The following MFNG variants were observed in gnomAD, a reference collection of about 807,000 sequenced individuals.
MFNG encodes beta-1,3-N-acetylglucosaminyltransferase manic fringe.
MFNG carries 24 observed loss-of-function variants against 34.2 expected under a neutral mutation model. The ratio of observed to expected loss-of-function variants is 0.70; its 90% CI spans 0.51 to 0.99. The LOEUF (loss-of-function observed/expected upper bound fraction) is 0.99. MFNG is among the 50% of genes least tolerant of loss of function. The pLI is 0.00. For synonymous variants in MFNG, 158 were observed against 179.2 expected, an observed-to-expected ratio of 0.88 and a Z score of 0.94; for missense variants, 383 against 424.0, an observed-to-expected ratio of 0.90 and a Z score of 0.85.
In MFNG at chr22:37,480,241, G is replaced by A. The variant is rs753641999; in HGVS notation, c.363C>T (p.Cys121=). 1.2e-6 allele frequency: 2 copies of A among 1,613,166 alleles called. No individual in the cohort carries two copies. Among genetic ancestry groups the A allele is most frequent in the Non-Finnish European group, 1.7e-6 (2 of 1,179,144 alleles). Residue 121 remains cysteine, a synonymous_variant, in exon 3 of 8, where the codon TGC becomes TGT. Transcript: ENST00000356998. The part of the protein sequence containing the change: ...SAEHSHPALS[C]KMAAEFDTFL... The stretch of plus-strand genomic sequence containing the variant: ...AGGTGTCGAACTCAGCAGCCATCTT[G>A]CAGGACAGAGCTGGGTGGCTGTGTT...
intron 2 of MFNG, 99 bp from the exon 3 acceptor site, chr22:37,480,398 A>G (rs1922240545): frequency 2.1e-6 from 2 of 935,702 alleles, no homozygotes; most frequent in Non-Finnish European, 3.3e-6. Flanking sequence ...GGGAGTCTGG[A>G]GCAGCCCACC....
intron 3 of MFNG, 90 bp downstream of exon 3, chr22:37,480,107 G>A: frequency 1.0e-6 from 1 of 989,608 alleles, no homozygotes; most frequent in Non-Finnish European, 1.5e-6. Flanking sequence ...TGCTAGAGGA[G>A]TGGGGGCTGA....
chr22:37,478,146 T>G (rs1339293999), intron 4 of MFNG, among the ~76,000 whole-genome samples: 1 of 152,104 alleles, frequency 6.6e-6, no homozygotes, highest in Non-Finnish European at 1.5e-5. Context: ...AGAGGCTGAT[T>G]AGCTACTGAT....
chr22:37,476,502 C>G (rs1922046444), intron 5 of MFNG, among the ~76,000 whole-genome samples: 3 of 152,106 alleles, frequency 2.0e-5, no homozygotes, highest in Admixed American at 2.0e-4. Context: ...TCTGAAGACC[C>G]TTAGATTTGG....
chr22:37,477,971 A>T (rs979700113), intron 4 of MFNG, among the ~76,000 whole-genome samples: 1 of 152,170 alleles, frequency 6.6e-6, no homozygotes, highest in Non-Finnish European at 1.5e-5. Context: ...GTGTAAACCC[A>T]GGGAGTCAGG....
At chr22:37,474,805 T>A in intron 5 of MFNG, 128 bp from the exon 6 acceptor site, 1 of 1,028,144 alleles carries the variant, frequency 9.7e-7, no homozygotes, top group Non-Finnish European at 1.4e-6. Flanking sequence ...GCATACTGTA[T>A]GACCTTGAGC....
rs148228754 is a variant in MFNG, at chr22:37,471,697, G to T, written c.899+746C>A. On this transcript the variant is annotated intron_variant, in intron 7 of 7. Coordinates refer to ENST00000356998, the MANE Select transcript of MFNG (RefSeq NM_002405.4). ...AACACAAAAATTAGCCAGGCATGGT[G>T]GCAGGCGCCTGTAATCCCAGCTATT... Among the ~76,000 whole-genome samples the T allele has an allele frequency of 3.6e-3, 550 of 152,222 alleles. 2 individuals are homozygous for T. Among genetic ancestry groups the T allele is most frequent in the South Asian group, 0.016 (78 of 4,828 alleles).
intron 7 of MFNG, among the ~76,000 whole-genome samples, chr22:37,470,728 G>C (rs987801068): frequency 2.0e-5 from 3 of 152,186 alleles, no homozygotes; most frequent in African/African-American, 7.2e-5. Context: ...GTCAGGGCCA[G>C]GGGCCCTGGT....
rs752350381 is a variant in MFNG, at chr22:37,472,463, G to A, written c.879C>T (p.Ser293=). The change falls in exon 7 of 8, where the codon TCC becomes TCT. Residue 293 remains serine (S), a synonymous_variant. Coordinates refer to ENST00000356998, the MANE Select transcript of MFNG (RefSeq NM_002405.4). ...CCCACCTGGAGGGGTCCTCCTCCGG[G>A]GAGAAGGGGCCCTGTAGCTTAATGA... ...LNVIKLQGPF[S]PEEDPSRFRS... 2 of 1,583,656 alleles carry A rather than the reference G, an allele frequency of 1.3e-6. No individual in the cohort carries two copies. Among genetic ancestry groups the A allele is most frequent in the Non-Finnish European group, 8.6e-7 (1 of 1,168,384 alleles).
At position 37,469,942 on chromosome 22, in the gene MFNG, C is replaced by T. The variant is rs1247154479; in HGVS notation, c.*21G>A. 1 of 1,585,394 alleles carries T rather than the reference C, an allele frequency of 6.3e-7. No individual in the cohort carries two copies. The highest frequency in any genetic ancestry group is 1.1e-5 in the South Asian group (1 of 87,368). On this transcript the variant is annotated 3_prime_UTR_variant, in exon 8 of 8. Transcript: ENST00000356998. ...GCACACCCAGAAGTCTCTGCCCAAC[C>T]TTTGCCCAGCAGTTCAGGATTCATC...
chr22:37,469,852 C>A lies in MFNG; in HGVS notation c.*111G>T. 1 of 904,696 alleles carries A rather than the reference C, an allele frequency of 1.1e-6. No individual in the cohort carries two copies. The highest frequency in any genetic ancestry group is 1.8e-6 in the Non-Finnish European group (1 of 556,716). The allele number at this position is 904,696 out of a possible 1,614,324, so 56.0% of individuals were successfully genotyped here. A position where few individuals can be genotyped will look rare whatever the true frequency, so the allele number is the denominator to read the frequency against. ...CTGGGCTTGCCAACCACCCGAAGGC[C>A]CTGCCAGGGACTGCCTATCACAAGA... On this transcript the variant is annotated 3_prime_UTR_variant, in exon 8 of 8. Coordinates refer to ENST00000356998, the MANE Select transcript of MFNG (RefSeq NM_002405.4).
At chr22:37,481,005 C>A (rs918166582) in intron 1 of MFNG, 2 of 549,310 alleles carry the variant, frequency 3.6e-6, no homozygotes, top group African/African-American at 1.9e-5. Flanking sequence ...CACTCACCCC[C>A]TTTCCAGAGC....
chr22:37,486,066 T>C lies in MFNG; in HGVS notation c.112A>G (p.Thr38Ala), dbSNP rs777236155. ...LNLSPQRVQG[T>A]PELSQPNPGP... ...GGGTTCGGCTGGCTCAGCTCGGGGGTCCCTTGTACCCGCTGCGGGGACAGG... is the reference window on the plus strand; with the variant it reads ...GGGTTCGGCTGGCTCAGCTCGGGGGCCCCTTGTACCCGCTGCGGGGACAGG... The change falls in exon 1 of 8, where the codon ACC (threonine) becomes GCC (alanine). Residue 38 changes from threonine to alanine, a missense_variant. Physicochemically the swap from Thr to Ala is moderately conservative, Grantham distance 58. Coordinates refer to ENST00000356998, the MANE Select transcript of MFNG (RefSeq NM_002405.4). 1.2e-6 allele frequency: 2 copies of C among 1,613,038 alleles called. No homozygotes were observed. Among genetic ancestry groups the C allele is most frequent in the Non-Finnish European group, 8.5e-7 (1 of 1,179,714 alleles).
intron 7 of MFNG, among the ~76,000 whole-genome samples, chr22:37,470,863 G>T (rs898496495): frequency 1.3e-5 from 2 of 152,146 alleles, no homozygotes; most frequent in East Asian, 1.9e-4. Flanking sequence ...ACAGTCTCCC[G>T]TTCCTACCTT....
rs540558320 is a variant in MFNG at position 37,479,414 on chromosome 22, G to T, written c.492C>A (p.Asp164Glu). The T allele has an allele frequency of 1.8e-5, 29 of 1,608,946 alleles. No homozygotes were observed. The South Asian group carries it at 2.4e-4, about 14-fold the overall frequency. ...QLLRAFPLARDVYVGRPSLNR... is the reference protein window; with the variant it reads ...QLLRAFPLAREVYVGRPSLNR... Reference sequence around the variant, plus strand: ...TCAGGCTGGGCCTTCCCACATAGACGTCGCGGGCCAGCGGGAAGGCTCTCA... The same window carrying T: ...TCAGGCTGGGCCTTCCCACATAGACTTCGCGGGCCAGCGGGAAGGCTCTCA... Residue 164 changes from aspartate to glutamate, a missense_variant, in exon 4 of 8, where the codon GAC becomes GAA. By Grantham distance (45) the Asp-to-Glu change is conservative. Coordinates refer to ENST00000356998, the MANE Select transcript of MFNG (RefSeq NM_002405.4).
rs1265276762 is a variant in MFNG, at chr22:37,485,764, A to T, written c.255+159T>A. Among the ~76,000 whole-genome samples the T allele has an allele frequency of 4.6e-5, 7 of 152,190 alleles. No individual in the cohort carries two copies. Among genetic ancestry groups the T allele is most frequent in the Non-Finnish European group, 1.0e-4 (7 of 68,024 alleles). On this transcript the variant is annotated intron_variant, in intron 1 of 7. Transcript: ENST00000356998. This position sits in a 1 kb window ranked among gnomAD's most constrained non-coding sequence, Gnocchi z 5.3. ...ACGGGCAGGGCCGCAGGCAGCCCCT[A>T]AAGCCCGGAAGAAGGAGAGAGGAAG...
In MFNG at chr22:37,483,252, C is replaced by A. The variant is rs1208598445; in HGVS notation, c.256-2483G>T. The stretch of plus-strand genomic sequence containing the variant: ...CTGCTCTTCCCTCCGGCCCACCCGG[C>A]CACCTAGTCCCCGCCACTGTCGTCA... On this transcript the variant is annotated intron_variant, in intron 1 of 7. Coordinates refer to ENST00000356998, the MANE Select transcript of MFNG (RefSeq NM_002405.4). The surrounding 1 kb of genome is among the most constrained non-coding windows in gnomAD (Gnocchi z 4.5). Among the ~76,000 whole-genome samples the A allele has an allele frequency of 6.6e-6, 1 of 152,196 alleles. No individual in the cohort carries two copies. Among genetic ancestry groups the A allele is most frequent in the Non-Finnish European group, 1.5e-5 (1 of 68,048 alleles).
rs887723852 is a variant in MFNG, at chr22:37,483,543, G to C, written c.255+2380C>G. On this transcript the variant is annotated intron_variant, in intron 1 of 7. Coordinates refer to ENST00000356998, the MANE Select transcript of MFNG (RefSeq NM_002405.4). The surrounding 1 kb of genome is among the most constrained non-coding windows in gnomAD (Gnocchi z 4.5). ...AAGCAGGAGAATAGGCACTTTGGGA[G>C]GCCAAGGCAGGTGGATCATTTGAGG... Among the ~76,000 whole-genome samples the C allele has an allele frequency of 6.6e-6, 1 of 151,476 alleles. No homozygotes were observed. The highest frequency in any genetic ancestry group is 2.4e-5 in the African/African-American group (1 of 41,132).
At chr22:37,477,578 C>A (rs1446023157) in intron 4 of MFNG, among the ~76,000 whole-genome samples, 1 of 152,162 alleles carries the variant, frequency 6.6e-6, no homozygotes, top group East Asian at 1.9e-4. Flanking sequence ...TCCCAAATAG[C>A]TGGAACTACA....
Sources: gnomAD v4.1 joint callset for allele counts (sites outside exome capture counted in the v4.1 genomes callset) on GRCh38, gnomAD v4.1.1 for gene constraint, Gnocchi (gnomAD v3.1) non-coding constraint, MANE v1.5 for transcripts, NCBI Gene and HGNC (gene_info 2026-07-23, HGNC 2026-07-21) for gene names.